The following CPNE7 variants were observed in gnomAD, a reference collection of about 807,000 sequenced individuals.
CPNE7 encodes copine-7.
CPNE7 carries 78 observed loss-of-function variants against 66.5 expected under a neutral mutation model. The observed-to-expected ratio is 1.17, with a 90% CI of 0.98 to 1.42. CPNE7 has a LOEUF of 1.42. Among genes scored for constraint, CPNE7 ranks in the 40% most tolerant of loss-of-function variants. CPNE7 has a pLI of 0.00. For missense variants in CPNE7, 1,012 were observed against 776.6 expected (o/e 1.30, Z -3.60); for synonymous variants, 468 against 336.7 (o/e 1.39, Z -4.27).
At chr16:89,588,573 G>A (rs1008414857) in intron 9 of CPNE7, 102 bp from the exon 10 acceptor site, 6 of 1,481,668 alleles carry the variant, frequency 4.0e-6, no homozygotes, top group Admixed American at 3.5e-5. Context: ...CGCGACCCCT[G>A]ACCCTGAGTC....
intron 13 of CPNE7, among the ~76,000 whole-genome samples, chr16:89,594,642 C>CTTTTTTTTT (rs57032352): frequency 3.5e-5 from 3 of 86,894 alleles, no homozygotes; most frequent in Non-Finnish European, 6.7e-5. Flanking sequence ...TCCATTCTGC[C>CTTTTTTTTT]TTTTTTTTTT....
intron 2 of CPNE7, 48 bp from the exon 3 acceptor site, chr16:89,583,649 G>C (rs777005929): frequency 6.2e-7 from 1 of 1,611,126 alleles, no homozygotes; most frequent in South Asian, 1.1e-5. Flanking sequence ...TCCAGGGTCA[G>C]GAGCCGTCCC....
In CPNE7 at chr16:89,584,711, C is replaced by T; in HGVS notation, c.508-63C>T. The T allele has an allele frequency of 1.6e-6, 2 of 1,275,202 alleles. No homozygotes were observed. Among genetic ancestry groups the T allele is most frequent in the Non-Finnish European group, 2.3e-6 (2 of 885,488 alleles). The allele number at this position is 1,275,202 out of a possible 1,614,324, so 79.0% of individuals were successfully genotyped here. A position where few individuals can be genotyped will look rare whatever the true frequency, so the allele number is the denominator to read the frequency against. On this transcript the variant is annotated intron_variant, in intron 4 of 14. Coordinates refer to ENST00000319518, the MANE Select transcript of CPNE7 (RefSeq NM_153636.3). The surrounding 1 kb of genome is among the most constrained non-coding windows in gnomAD (Gnocchi z 6.0). ...AGTGAGCCCTGGGAAACGACAAAGC[C>T]AGCTCCCATCCAAAGCCCGATCTCA...
In CPNE7 at chr16:89,576,072, G is replaced by T; in HGVS notation, c.174+1G>T. The T allele has an allele frequency of 7.9e-7, 1 of 1,271,056 alleles. No individual in the cohort carries two copies. The highest frequency in any genetic ancestry group is 2.6e-5 in the South Asian group (1 of 37,932). 78.7% of individuals were successfully genotyped at this position (1,271,056 alleles called of 1,614,324 possible). On this transcript the variant is annotated splice_donor_variant, in intron 1 of 14. Transcript: ENST00000319518. LOFTEE classifies it high-confidence loss of function. ...GCAGGCGCAGGGCCAGTGGGTGCAG[G>T]TAGGGCCGGGGCGTGGGAGGCCGAG...
chr16:89,590,496 GC>G (rs1294105622), intron 11 of CPNE7, among the ~76,000 whole-genome samples: 1 of 152,136 alleles, frequency 6.6e-6, no homozygotes, highest in Non-Finnish European at 1.5e-5. Context: ...CTGCAGTCCA[GC>G]CTGGCCTGTA....
At position 89,585,799 on chromosome 16, in the gene CPNE7, G is replaced by T; in HGVS notation, c.780+14G>T. On this transcript the variant is annotated intron_variant, in intron 7 of 14. Transcript: ENST00000319518. ...GAGGAGGGGCAGGTGAGCAGGACGG[G>T]GTAGGGGGTCCTCCAGGGAGGGTCA... 2 of 1,395,986 alleles carry T rather than the reference G, an allele frequency of 1.4e-6. No homozygotes were observed. The highest frequency in any genetic ancestry group is 2.5e-5 in the South Asian group (2 of 80,018). 86.5% of individuals were successfully genotyped at this position (1,395,986 alleles called of 1,614,324 possible).
rs1218377134 is a variant in CPNE7, at chr16:89,588,745, A to C, written c.998A>C (p.Tyr333Ser). The C allele has an allele frequency of 1.9e-6, 3 of 1,613,460 alleles. No individual in the cohort carries two copies. Among genetic ancestry groups the C allele is most frequent in the Non-Finnish European group, 1.7e-6 (2 of 1,179,944 alleles). The change falls in exon 10 of 15, where the codon TAC (tyrosine) becomes TCC (serine). Residue 333 changes from tyrosine to serine, a missense_variant. Coordinates refer to ENST00000319518, the MANE Select transcript of CPNE7 (RefSeq NM_153636.3). Reference sequence around the variant, plus strand: ...TGCTCCCTGCACTACATCAACCCCTACCAGCCGAACGAGTACCTGAAGGCA... The same window carrying C: ...TGCTCCCTGCACTACATCAACCCCTCCCAGCCGAACGAGTACCTGAAGGCA... Reference protein sequence around the residue: ...NSCSLHYINPYQPNEYLKALV... With the variant: ...NSCSLHYINPSQPNEYLKALV...
chr16:89,587,639 C>G (rs1033735080), intron 9 of CPNE7: 56 of 449,812 alleles, frequency 1.2e-4, no homozygotes, highest in African/African-American at 9.2e-4. Flanking sequence ...GAGCCCGGCA[C>G]AGACCCCGTG....
Position 89,587,065 on chromosome 16 carries a change from T to C in CPNE7, c.890T>C (p.Leu297Pro), listed in dbSNP as rs2059054263. 6.3e-7 allele frequency: 1 copy of C among 1,579,906 alleles called. No individual in the cohort carries two copies. The highest frequency in any genetic ancestry group is 1.3e-5 in the African/African-American group (1 of 74,148). Residue 297 changes from leucine (L) to proline (P), a missense_variant, in exon 9 of 15, where the codon CTG (leucine) becomes CCG (proline). Physicochemically the swap from Leu to Pro is moderately conservative, Grantham distance 98. Transcript: ENST00000319518. ...AAGTTCCACAGGGTGTACTCCTTCC[T>C]GGACTATATCATGGGCGGCTGCCAG... ...DLKFHRVYSF[L>P]DYIMGGCQIH...
chr16:89,578,766 A>T (rs1306510546), intron 2 of CPNE7: 8 of 1,342,294 alleles, frequency 6.0e-6, no homozygotes, highest in Admixed American at 6.5e-5. Context: ...TCTCAAAAAA[A>T]AAAAAAAAAA....
In CPNE7 at chr16:89,595,642, G is replaced by A. The variant is rs762526353; in HGVS notation, c.1539+39G>A. ...AGGGGCTCCGTCAAGGCCGGCTTGG[G>A]GGTCCCTGTTCATGTCACTGCCCAA... On this transcript the variant is annotated intron_variant, in intron 14 of 14. Transcript: ENST00000319518. 26 of 1,551,374 alleles carry A rather than the reference G, an allele frequency of 1.7e-5. No individual in the cohort carries two copies. In the South Asian group the frequency reaches 3.0e-4, roughly 18 times the overall value.
intron 2 of CPNE7, chr16:89,578,953 G>T: frequency 6.2e-7 from 1 of 1,612,458 alleles, no homozygotes; most frequent in Admixed American, 1.7e-5. Context: ...GTGCTGCACG[G>T]AATCCTCACA....
chr16:89,595,120 C>G (rs939672919), intron 13 of CPNE7, among the ~76,000 whole-genome samples: 1 of 152,112 alleles, frequency 6.6e-6, no homozygotes, highest in Non-Finnish European at 1.5e-5. Context: ...ACCCCCTCCA[C>G]AGCCCTCCGT....
At chr16:89,588,654 C>T (rs1220054697) in intron 9 of CPNE7, 21 bp from the exon 10 acceptor site, 1 of 1,612,696 alleles carries the variant, frequency 6.2e-7, no homozygotes, top group Admixed American at 1.7e-5. Flanking sequence ...AGCACAGCTC[C>T]TGGCTCCCGG....
intron 13 of CPNE7, among the ~76,000 whole-genome samples, chr16:89,593,112 T>A (rs1450901235): frequency 6.6e-6 from 1 of 151,894 alleles, no homozygotes. Flanking sequence ...CCGCCGCACC[T>A]GGCCTGTAAC....
intron 2 of CPNE7, chr16:89,583,365 C>G: frequency 7.3e-7 from 1 of 1,367,498 alleles, no homozygotes; most frequent in Non-Finnish European, 1.0e-6. Flanking sequence ...GTCCGCCACA[C>G]CTGTGCAGGT....
Position 89,584,936 on chromosome 16 carries a change from A to C in CPNE7, c.591+79A>C. 7.8e-7 allele frequency: 1 copy of C among 1,275,574 alleles called. No homozygotes were observed. The highest frequency in any genetic ancestry group is 1.2e-5 in the South Asian group (1 of 82,000). The allele number at this position is 1,275,574 out of a possible 1,614,324, so 79.0% of individuals were successfully genotyped here. On this transcript the variant is annotated intron_variant, in intron 5 of 14. Transcript: ENST00000319518. The surrounding 1 kb of genome is among the most constrained non-coding windows in gnomAD (Gnocchi z 6.0). ...CACGCATCTCTGGCCACATGGGAGG[A>C]GCTCCCAGCCTCCAACAGGGAGCTG...
chr16:89,585,609 C>A, intron 6 of CPNE7, 56 bp downstream of exon 6: 1 of 1,550,400 alleles, frequency 6.4e-7, no homozygotes, highest in Non-Finnish European at 8.8e-7. Flanking sequence ...ATGTGGGCTG[C>A]GATGGAGACA....
At position 89,577,737 on chromosome 16, in the gene CPNE7, C is replaced by A. The variant is rs2058882867; in HGVS notation, c.357+16C>A. The A allele has an allele frequency of 2.5e-6, 4 of 1,573,596 alleles. No homozygotes were observed. Among genetic ancestry groups the A allele is most frequent in the African/African-American group, 2.7e-5 (2 of 74,308 alleles). ...CCTGGGGCAGGTGGGTGCCCCGTCCCCTCGGAGGGAGGAGGACGGTTGGCG... is the reference window on the plus strand; with the variant it reads ...CCTGGGGCAGGTGGGTGCCCCGTCCACTCGGAGGGAGGAGGACGGTTGGCG... On this transcript the variant is annotated intron_variant, in intron 2 of 14. Transcript: ENST00000319518.
Sources: allele counts gnomAD v4.1 joint callset (sites outside exome capture counted in the v4.1 genomes callset), GRCh38; gene constraint gnomAD v4.1.1; non-coding constraint Gnocchi (gnomAD v3.1); transcripts MANE v1.5; gene names NCBI Gene and HGNC (gene_info 2026-07-23, HGNC 2026-07-21).